Variants in HDAC4 observed in about 807,000 individuals in gnomAD.
HDAC4 encodes the protein histone deacetylase A.
In HDAC4, 16 loss-of-function variants were observed where a neutral mutation model predicts 135.1. The observed-to-expected ratio is 0.12, with a 90% CI of 0.08 to 0.18. The LOEUF is 0.18. HDAC4 is among the 10% of genes least tolerant of loss of function. The pLI is 1.00. For synonymous variants in HDAC4, 685 were observed against 653.4 expected, an observed-to-expected ratio of 1.05 and a Z score of -0.74; for missense variants, 1,143 against 1,511.8, an observed-to-expected ratio of 0.76 and a Z score of 4.05.
intron 3 of HDAC4, among the ~76,000 whole-genome samples, chr2:239,195,934 T>C (rs2045350955): frequency 6.6e-6 from 1 of 152,234 alleles, no homozygotes; most frequent in African/African-American, 2.4e-5. Flanking sequence ...AGAAGCATAC[T>C]GATTTTCCAC....
intron 3 of HDAC4, among the ~76,000 whole-genome samples, chr2:239,211,657 A>G (rs578180387): frequency 1.2e-4 from 18 of 152,348 alleles, no homozygotes; most frequent in African/African-American, 4.3e-4. Flanking sequence ...TCTAAACCCA[A>G]TGATTCAAAA....
chr2:239,328,779 C>A (rs565023963), intron 2 of HDAC4, among the ~76,000 whole-genome samples: 165 of 152,314 alleles, frequency 1.1e-3, no homozygotes, highest in Non-Finnish European at 1.8e-3. Context: ...CTCTTTATCT[C>A]CAGCAGCCCA....
At position 239,189,955 on chromosome 2, in the gene HDAC4, G is replaced by C. The variant is rs2153042834; in HGVS notation, c.217C>G (p.Gln73Glu). The stretch of plus-strand genomic sequence containing the variant: ...TTCTGCTTGAGCGCCAGGAGCTCCT[G>C]CTGCAGCTGCTGCTCCCGCAGGGCC... The part of the protein sequence containing the change: ...EPALREQQLQ[Q>E]ELLALKQKQQ... Residue 73 changes from glutamine to glutamate, a missense_variant, in exon 4 of 27, where the codon CAG becomes GAG. Gln to Glu is a conservative substitution (Grantham distance 29, BLOSUM62 2). This residue lies in a region of HDAC4 where 247 missense variants were observed against 310.0 expected (regional missense o/e 0.80). Coordinates refer to ENST00000543185, the MANE Select transcript of HDAC4 (RefSeq NM_001378414.1). The C allele has an allele frequency of 6.2e-7, 1 of 1,609,024 alleles. No individual in the cohort carries two copies. Among genetic ancestry groups the C allele is most frequent in the African/African-American group, 1.3e-5 (1 of 74,998 alleles).
rs941205661 is a variant in HDAC4 at position 239,307,099 on chromosome 2, T to C, written c.22+45579A>G. ...AGGCCCGAGTCGTCCGGATGGCCCA[T>C]CTCAGGCCACACCCTCCAGCTCTGT... On this transcript the variant is annotated intron_variant, in intron 2 of 26. Coordinates refer to ENST00000543185, the MANE Select transcript of HDAC4 (RefSeq NM_001378414.1). This position sits in a 1 kb window ranked among gnomAD's most constrained non-coding sequence, Gnocchi z 4.8. Among the ~76,000 whole-genome samples the C allele has an allele frequency of 2.0e-5, 3 of 151,974 alleles. No individual in the cohort carries two copies. Among genetic ancestry groups the C allele is most frequent in the Non-Finnish European group, 4.4e-5 (3 of 67,980 alleles).
intron 24 of HDAC4, among the ~76,000 whole-genome samples, chr2:239,061,169 G>A (rs2032649679): frequency 6.6e-6 from 1 of 152,112 alleles, no homozygotes; most frequent in African/African-American, 2.4e-5. Flanking sequence ...GCATTCATGT[G>A]TATGAATGTG....
At chr2:239,098,616 C>A (rs992453199) in intron 16 of HDAC4, among the ~76,000 whole-genome samples, 1 of 152,252 alleles carries the variant, frequency 6.6e-6, no homozygotes, top group Non-Finnish European at 1.5e-5. Context: ...AATTCAGCCA[C>A]GCCTTATGTG....
At chr2:239,359,197 G>T (rs1693703958) in intron 1 of HDAC4, among the ~76,000 whole-genome samples, 1 of 152,214 alleles carries the variant, frequency 6.6e-6, no homozygotes, top group Admixed American at 6.5e-5. Flanking sequence ...AGAACTGTGT[G>T]ACAGCCCACG....
At chr2:239,304,270 G>A (rs1300005989) in intron 2 of HDAC4, among the ~76,000 whole-genome samples, 3 of 152,216 alleles carry the variant, frequency 2.0e-5, no homozygotes, top group East Asian at 1.9e-4. Flanking sequence ...GTGTGAGCTC[G>A]GGGGAAGGAG....
rs562678956 is a variant in HDAC4, at chr2:239,063,832, C to T, written c.3003+2890G>A. Among the ~76,000 whole-genome samples, 3 of 152,358 alleles carry T rather than the reference C, an allele frequency of 2.0e-5. No individual in the cohort carries two copies. In the South Asian group the frequency reaches 6.2e-4, roughly 32 times the overall value. ...CCCTCCTGTCTGGGAGACCACTGGC[C>T]AGTGCCCACTTCCCTGACCGCCAGC... On this transcript the variant is annotated intron_variant, in intron 24 of 26. Transcript: ENST00000543185.
chr2:239,266,544 A>G (rs1412835333), intron 2 of HDAC4, among the ~76,000 whole-genome samples: 2 of 152,206 alleles, frequency 1.3e-5, no homozygotes, highest in African/African-American at 4.8e-5. Flanking sequence ...TCCCGAGGCA[A>G]GAGTCCACGA....
intron 1 of HDAC4, among the ~76,000 whole-genome samples, chr2:239,391,095 A>T (rs1696172357): frequency 6.6e-6 from 1 of 152,104 alleles, no homozygotes. Context: ...TACGAATCAC[A>T]CTGTGGCCAA....
intron 2 of HDAC4, among the ~76,000 whole-genome samples, chr2:239,238,743 A>G (rs1056072191): frequency 6.6e-6 from 1 of 152,178 alleles, no homozygotes; most frequent in Non-Finnish European, 1.5e-5. Flanking sequence ...TACTTTTACT[A>G]CACTGAAGCA....
chr2:239,067,917 T>TG (rs983678284), intron 23 of HDAC4, among the ~76,000 whole-genome samples: 5 of 152,008 alleles, frequency 3.3e-5, no homozygotes, highest in Non-Finnish European at 7.4e-5. Flanking sequence ...GACTCCAGGG[T>TG]GGGGGAGGCG....
intron 2 of HDAC4, among the ~76,000 whole-genome samples, chr2:239,334,178 T>C (rs1355913796): frequency 6.6e-6 from 1 of 151,730 alleles, no homozygotes; most frequent in African/African-American, 2.4e-5. Flanking sequence ...AAAATAAAAT[T>C]CCCCCAACAA....
intron 4 of HDAC4, among the ~76,000 whole-genome samples, chr2:239,183,708 C>T (rs1490302493): frequency 1.3e-5 from 2 of 152,182 alleles, no homozygotes; most frequent in African/African-American, 4.8e-5. Flanking sequence ...TGTGCTCCTG[C>T]CCCCTGCCTC....
chr2:239,070,857 G>A (rs928815728), intron 22 of HDAC4, among the ~76,000 whole-genome samples: 2 of 151,360 alleles, frequency 1.3e-5, no homozygotes, highest in African/African-American at 2.4e-5. Context: ...AATGGTGACC[G>A]CAGCCATTTA....
chr2:239,151,370 C>A (rs2042108652), intron 7 of HDAC4, among the ~76,000 whole-genome samples: 2 of 152,192 alleles, frequency 1.3e-5, no homozygotes, highest in African/African-American at 4.8e-5. Context: ...CCAGCCTGGC[C>A]ACAGGCCCTG....
intron 4 of HDAC4, among the ~76,000 whole-genome samples, chr2:239,178,528 G>A (rs539609574): frequency 1.3e-5 from 2 of 152,168 alleles, no homozygotes; most frequent in Non-Finnish European, 1.5e-5. Context: ...GACTACAGGT[G>A]CACACCACTG....
chr2:239,347,337 A>G (rs1692790381), intron 2 of HDAC4, among the ~76,000 whole-genome samples: 1 of 152,212 alleles, frequency 6.6e-6, no homozygotes, highest in African/African-American at 2.4e-5. Flanking sequence ...TTAACACTCA[A>G]CAGTGGTCTG....
Sources: gnomAD v4.1 joint callset for allele counts (sites outside exome capture counted in the v4.1 genomes callset) on GRCh38, gnomAD v4.1.1 for gene constraint, gnomAD v4.1.1 regional missense constraint, Gnocchi (gnomAD v3.1) non-coding constraint, MANE v1.5 for transcripts, NCBI Gene and HGNC (gene_info 2026-07-23, HGNC 2026-07-21) for gene names.